The following FLOT1 variants were observed in gnomAD, a reference collection of about 807,000 sequenced individuals.
The protein encoded by FLOT1 is flotillin 1, also known as flotillin-1.
In FLOT1, 40 loss-of-function variants were observed where a neutral mutation model predicts 58.4. The observed-to-expected ratio is 0.69, with a 90% CI of 0.53 to 0.89. The LOEUF is 0.89. Among genes scored for constraint, FLOT1 ranks in the 40% least tolerant of loss-of-function variants. The pLI, the probability that FLOT1 is intolerant of heterozygous loss-of-function variation, is 0.00. For missense variants in FLOT1, 423 were observed against 540.8 expected, an observed-to-expected ratio of 0.78 and a Z score of 2.16; for synonymous variants, 178 against 204.2, an observed-to-expected ratio of 0.87 and a Z score of 1.09.
intron 8 of FLOT1, among the ~76,000 whole-genome samples, chr6:30,735,832 T>C (rs76781037): frequency 0.055 from 8,342 of 152,248 alleles, 418 homozygotes; most frequent in African/African-American, 0.13. Context: ...GATCATTTCA[T>C]TGTTTTCCCT....
In FLOT1 at chr6:30,741,458, A is replaced by C. The variant is rs975836947; in HGVS notation, c.211-125T>G. 8.7e-6 allele frequency: 12 copies of C among 1,382,930 alleles called. No homozygotes were observed. The Admixed American group carries it at 8.9e-5, about 10-fold the overall frequency. The allele number at this position is 1,382,930 out of a possible 1,614,324, so 85.7% of individuals were successfully genotyped here. A position where few individuals can be genotyped will look rare whatever the true frequency, so the allele number is the denominator to read the frequency against. The stretch of plus-strand genomic sequence containing the variant: ...CATTTCAGGGAAAGAAAGGAGGAGG[A>C]GGCAAGTGCCTTGGGGTGCCTGGAA... On this transcript the variant is annotated intron_variant, in intron 4 of 12. Coordinates refer to ENST00000376389, the MANE Select transcript of FLOT1 (RefSeq NM_005803.4). The surrounding 1 kb of genome is among the most constrained non-coding windows in gnomAD (Gnocchi z 5.9).
intron 8 of FLOT1, among the ~76,000 whole-genome samples, chr6:30,731,346 G>A (rs1216971322): frequency 3.3e-5 from 5 of 152,058 alleles, no homozygotes; most frequent in Non-Finnish European, 5.9e-5. Flanking sequence ...TTAGCCAGGT[G>A]TGGTGGCGAA....
At chr6:30,730,270 C>T (rs1253209609) in intron 11 of FLOT1, 84 bp from the exon 12 acceptor site, 9 of 1,534,094 alleles carry the variant, frequency 5.9e-6, no homozygotes, top group East Asian at 2.3e-5. Context: ...TTAAGGTCCT[C>T]GTTCCACTGA....
Position 30,740,595 on chromosome 6 carries a change from T to C in FLOT1, c.475-4A>G, listed in dbSNP as rs773569412. On this transcript the variant is annotated splice_polypyrimidine_tract_variant and splice_region_variant and intron_variant, in intron 6 of 12. Transcript: ENST00000376389. The stretch of plus-strand genomic sequence containing the variant: ...TCCCCAAAGAGTGCAAATAGTCCTG[T>C]GGGAGAGATGTAGAAATTAGTCCTT... The C allele has an allele frequency of 1.2e-6, 2 of 1,612,986 alleles. No individual in the cohort carries two copies. The highest frequency in any genetic ancestry group is 1.1e-5 in the South Asian group (1 of 91,082).
At chr6:30,736,845 G>A (rs1361365344) in intron 8 of FLOT1, among the ~76,000 whole-genome samples, 2 of 151,744 alleles carry the variant, frequency 1.3e-5, no homozygotes, top group South Asian at 2.1e-4. Context: ...TGCCCACCTC[G>A]GCCTCCCAAA....
intron 8 of FLOT1, among the ~76,000 whole-genome samples, chr6:30,736,707 C>T (rs560995539): frequency 4.6e-5 from 7 of 151,354 alleles, no homozygotes; most frequent in African/African-American, 1.7e-4. Context: ...CATTCTTCTG[C>T]CTCAGCCTCC....
chr6:30,728,514 G>C (rs1776907554), intron 12 of FLOT1, among the ~76,000 whole-genome samples: 1 of 150,054 alleles, frequency 6.7e-6, no homozygotes. Flanking sequence ...CTATCACCCA[G>C]GCTAGAATGC....
Position 30,731,023 on chromosome 6 carries a change from C to A in FLOT1, c.801G>T (p.Val267=). The change falls in exon 9 of 13, where the codon GTG becomes GTT. Residue 267 remains valine, a synonymous_variant. Coordinates refer to ENST00000376389, the MANE Select transcript of FLOT1 (RefSeq NM_005803.4). The part of the protein sequence containing the change: ...QVVERAQQVA[V]QEQEIARREK... ...CCCGCCGGGCGATCTCCTGCTCCTG[C>A]ACTGCCACCTGCTGGGCCCGCTCCA... is the stretch of plus-strand genomic sequence containing the variant. The A allele has an allele frequency of 6.2e-7, 1 of 1,613,058 alleles. No homozygotes were observed. Among genetic ancestry groups the A allele is most frequent in the Non-Finnish European group, 8.5e-7 (1 of 1,180,008 alleles).
At chr6:30,739,719 A>C (rs1386328836) in intron 8 of FLOT1, among the ~76,000 whole-genome samples, 1 of 149,302 alleles carries the variant, frequency 6.7e-6, no homozygotes, top group African/African-American at 2.5e-5. Flanking sequence ...GCTGGAGTGC[A>C]GTAGTGTGAT....
chr6:30,734,397 C>T (rs1255501078), intron 8 of FLOT1, among the ~76,000 whole-genome samples: 5 of 151,782 alleles, frequency 3.3e-5, no homozygotes, highest in Non-Finnish European at 7.4e-5. Flanking sequence ...CAACCTCTGC[C>T]TCCCAGGTTC....
At chr6:30,729,527 T>C (rs1377758048) in intron 12 of FLOT1, among the ~76,000 whole-genome samples, 1 of 152,228 alleles carries the variant, frequency 6.6e-6, no homozygotes, top group African/African-American at 2.4e-5. Flanking sequence ...ATAGAGAGGT[T>C]GATTACTTGT....
In FLOT1 at chr6:30,742,446, C is replaced by G; in HGVS notation, c.-15+81G>C. 1.7e-6 allele frequency: 1 copy of G among 576,590 alleles called. No individual in the cohort carries two copies. Among genetic ancestry groups the G allele is most frequent in the South Asian group, 2.0e-5 (1 of 48,908 alleles). 35.7% of individuals were successfully genotyped at this position (576,590 alleles called of 1,614,324 possible). ...GCCGCTCCCTTTGATAAAGGTCCCC[C>G]GCGCCCAGAGGCCTGCAGACCTTTC... On this transcript the variant is annotated intron_variant, in intron 1 of 12. Coordinates refer to ENST00000376389, the MANE Select transcript of FLOT1 (RefSeq NM_005803.4). The surrounding 1 kb of genome is among the most constrained non-coding windows in gnomAD (Gnocchi z 5.2).
Position 30,734,046 on chromosome 6 carries a change from G to GAAAAAA in FLOT1, c.724-2952_724-2947dup, listed in dbSNP as rs796499603. Among the ~76,000 whole-genome samples the GAAAAAA allele has an allele frequency of 1.0e-4, 5 of 48,800 alleles. 1 individual carries two copies. The highest frequency in any genetic ancestry group is 2.8e-4 in the Admixed American group (1 of 3,616). The allele number at this position is 48,800 out of a possible 152,430, so 32.0% of individuals were successfully genotyped here. A position where few individuals can be genotyped will look rare whatever the true frequency, so the allele number is the denominator to read the frequency against. ...GACAACAGAGCAAGACCCTGTCTCT[G>GAAAAAA]AAAAAAAAAAAAAAAAAAAAAAAAA... is the stretch of plus-strand genomic sequence containing the variant. On this transcript the variant is annotated intron_variant, in intron 8 of 12. Coordinates refer to ENST00000376389, the MANE Select transcript of FLOT1 (RefSeq NM_005803.4).
At chr6:30,730,829 TAGG>T in intron 9 of FLOT1, 87 bp downstream of exon 9, 1 of 1,597,538 alleles carries the variant, frequency 6.3e-7, no homozygotes, top group Non-Finnish European at 8.6e-7. Context: ...CTGAAATCCA[TAGG>T]AGTCCAGGTG....
chr6:30,737,229 C>T lies in FLOT1; in HGVS notation c.723+2929G>A, dbSNP rs952279045. On this transcript the variant is annotated intron_variant, in intron 8 of 12. Transcript: ENST00000376389. The surrounding 1 kb of genome is among the most constrained non-coding windows in gnomAD (Gnocchi z 4.4). ...TCTGTCGTCCGTCCGTCCGTCCGTC[C>T]GTCCGTCCGTCCGTCCGTCCATCCG... Among the ~76,000 whole-genome samples the T allele has an allele frequency of 6.9e-6, 1 of 145,276 alleles. No homozygotes were observed. The highest frequency in any genetic ancestry group is 7.0e-5 in the Admixed American group (1 of 14,252).
chr6:30,736,500 A>AAG (rs1777576504), intron 8 of FLOT1: 1 of 149,096 alleles, frequency 6.7e-6, no homozygotes, highest in African/African-American at 2.5e-5. Flanking sequence ...TCTCAAAAAA[A>AAG]AAAAAAATCA....
At position 30,742,218 on chromosome 6, in the gene FLOT1, G is replaced by A. The variant is rs1778048172; in HGVS notation, c.-14-15C>T. The A allele has an allele frequency of 5.6e-6, 9 of 1,612,436 alleles. No homozygotes were observed. Among genetic ancestry groups the A allele is most frequent in the Non-Finnish European group, 7.6e-6 (9 of 1,179,492 alleles). ...TCAGGCTGGAGCTGGAGGAGAGGGA[G>A]GGAAAGCCTTTGCGGATGGGGAAGG... On this transcript the variant is annotated splice_polypyrimidine_tract_variant and intron_variant, in intron 1 of 12. Coordinates refer to ENST00000376389, the MANE Select transcript of FLOT1 (RefSeq NM_005803.4). This position sits in a 1 kb window ranked among gnomAD's most constrained non-coding sequence, Gnocchi z 5.2.
chr6:30,728,045 G>A lies in FLOT1; in HGVS notation c.*71C>T, dbSNP rs1020622540. 1 of 1,394,858 alleles carries A rather than the reference G, an allele frequency of 7.2e-7. No individual in the cohort carries two copies. The highest frequency in any genetic ancestry group is 1.4e-5 in the African/African-American group (1 of 70,352). The allele number at this position is 1,394,858 out of a possible 1,614,324, so 86.4% of individuals were successfully genotyped here. ...ATGGACATGCTCAGGGAGGCCAGTG[G>A]GTTACATGCAACAGGAGGATCATTC... On this transcript the variant is annotated 3_prime_UTR_variant, in exon 13 of 13. Transcript: ENST00000376389.
intron 12 of FLOT1, among the ~76,000 whole-genome samples, chr6:30,729,019 C>A (rs933813830): frequency 2.6e-5 from 4 of 151,436 alleles, no homozygotes; most frequent in Non-Finnish European, 4.4e-5. Flanking sequence ...ACCTCGTGAT[C>A]CGCCCGCCTC....
Sources: allele counts gnomAD v4.1 joint callset (sites outside exome capture counted in the v4.1 genomes callset), GRCh38; gene constraint gnomAD v4.1.1; non-coding constraint Gnocchi (gnomAD v3.1); transcripts MANE v1.5; gene names NCBI Gene and HGNC (gene_info 2026-07-23, HGNC 2026-07-21).